PRKG1: variants seen among roughly 807,000 people sequenced by gnomAD.
The protein encoded by PRKG1 is protein kinase cGMP-dependent 1, also known as cGMP-dependent protein kinase 1.
A neutral mutation model predicts 88.1 loss-of-function variants in PRKG1; 35 were observed. The ratio of observed to expected loss-of-function variants is 0.40; its 90% CI spans 0.30 to 0.53. PRKG1 has a LOEUF of 0.53. Ranked by LOEUF, PRKG1 falls within the 20% of genes least tolerant of loss-of-function variation. The pLI, the probability that PRKG1 is intolerant of heterozygous loss-of-function variation, is 0.59. For missense variants in PRKG1, 540 were observed against 839.8 expected, an observed-to-expected ratio of 0.64 and a Z score of 4.41; for synonymous variants, 303 against 292.5, an observed-to-expected ratio of 1.04 and a Z score of -0.37.
chr10:51,765,375 T>C (rs991384913), intron 3 of PRKG1, among the ~76,000 whole-genome samples: 1 of 152,246 alleles, frequency 6.6e-6, no homozygotes, highest in Non-Finnish European at 1.5e-5. Flanking sequence ...CTTTTGTGCA[T>C]CTATTTGTTA....
chr10:52,210,861 T>C (rs1839953185), intron 9 of PRKG1, among the ~76,000 whole-genome samples: 1 of 152,194 alleles, frequency 6.6e-6, no homozygotes, highest in South Asian at 2.1e-4. Flanking sequence ...CATAACATAA[T>C]TGCATAAGCT....
chr10:51,805,771 T>C (rs1839289489), intron 4 of PRKG1, among the ~76,000 whole-genome samples: 1 of 152,128 alleles, frequency 6.6e-6, no homozygotes, highest in Non-Finnish European at 1.5e-5. Context: ...TGCTTCATCT[T>C]TTATACATTT....
intron 7 of PRKG1, among the ~76,000 whole-genome samples, chr10:52,112,052 C>T (rs569580686): frequency 5.2e-4 from 79 of 152,300 alleles, no homozygotes; most frequent in Non-Finnish European, 9.7e-4. Flanking sequence ...CTGAAGCCAA[C>T]CTGCTTCCAG....
chr10:51,519,518 T>G (rs893964256), intron 3 of PRKG1, among the ~76,000 whole-genome samples: 7 of 152,256 alleles, frequency 4.6e-5, no homozygotes, highest in Non-Finnish European at 8.8e-5. Context: ...TGGGCCAGAA[T>G]TTTAGATTTA....
chr10:51,589,722 C>T (rs1427499619), intron 3 of PRKG1, among the ~76,000 whole-genome samples: 1 of 152,156 alleles, frequency 6.6e-6, no homozygotes, highest in African/African-American at 2.4e-5. Context: ...CTTTCATTTT[C>T]CTTTTGGAAA....
intron 3 of PRKG1, among the ~76,000 whole-genome samples, chr10:51,719,528 T>G (rs1841963649): frequency 6.6e-6 from 1 of 152,168 alleles, no homozygotes; most frequent in Admixed American, 6.5e-5. Context: ...AAAGAAAGAT[T>G]GTGTAACTGT....
intron 2 of PRKG1, among the ~76,000 whole-genome samples, chr10:51,212,169 A>G (rs981019715): frequency 3.3e-5 from 5 of 152,104 alleles, no homozygotes; most frequent in African/African-American, 7.2e-5. Context: ...CCGCATATCT[A>G]CAACTATCTG....
intron 3 of PRKG1, among the ~76,000 whole-genome samples, chr10:51,652,887 C>T (rs1840074456): frequency 6.6e-6 from 1 of 152,164 alleles, no homozygotes; most frequent in South Asian, 2.1e-4. Flanking sequence ...TCCTACTACT[C>T]CTCTCCAGCC....
chr10:52,194,684 G>A (rs1330773534), intron 9 of PRKG1, among the ~76,000 whole-genome samples: 1 of 152,052 alleles, frequency 6.6e-6, no homozygotes, highest in Non-Finnish European at 1.5e-5. Flanking sequence ...AAAATAGAAA[G>A]TAAATTTCAA....
At chr10:51,274,632 G>T (rs1840067925) in intron 2 of PRKG1, among the ~76,000 whole-genome samples, 1 of 152,194 alleles carries the variant, frequency 6.6e-6, no homozygotes, top group African/African-American at 2.4e-5. Flanking sequence ...GATCGATCCT[G>T]TTAGAGTGGT....
intron 3 of PRKG1, among the ~76,000 whole-genome samples, chr10:51,739,705 G>A (rs1211077076): frequency 2.0e-5 from 3 of 152,086 alleles, no homozygotes; most frequent in African/African-American, 7.2e-5. Flanking sequence ...AGGCGTGGTG[G>A]CTCATGGCTG....
At chr10:51,950,914 G>T (rs751891604) in intron 5 of PRKG1, among the ~76,000 whole-genome samples, 2 of 152,242 alleles carry the variant, frequency 1.3e-5, no homozygotes, top group Non-Finnish European at 2.9e-5. Context: ...ATAACTTTCT[G>T]CAGAGAGCGG....
chr10:51,279,324 T>G (rs1840224691), intron 2 of PRKG1, among the ~76,000 whole-genome samples: 1 of 152,178 alleles, frequency 6.6e-6, no homozygotes, highest in South Asian at 2.1e-4. Flanking sequence ...GAGAGACAGT[T>G]TGTTATAATT....
chr10:52,012,620 C>A lies in PRKG1; in HGVS notation c.763-41864C>A, dbSNP rs536034636. On this transcript the variant is annotated intron_variant, in intron 5 of 17. Transcript: ENST00000373980. ...CAGGCTGGTCTCAAACTCCTGACCT[C>A]AAGTGATTTACCCACCTCTGCCTCC... 4.6e-5 allele frequency among the ~76,000 whole-genome samples: 7 copies of A among 152,204 alleles called. No homozygotes were observed. In the South Asian group the frequency reaches 1.5e-3, roughly 32 times the overall value.
At chr10:51,208,403 T>A (rs1466135158) in intron 2 of PRKG1, among the ~76,000 whole-genome samples, 2 of 152,200 alleles carry the variant, frequency 1.3e-5, no homozygotes, top group Non-Finnish European at 2.9e-5. Context: ...TCATACTGCA[T>A]AATATTCTAA....
At chr10:51,768,710 A>T (rs1217311836) in intron 3 of PRKG1, among the ~76,000 whole-genome samples, 3 of 152,118 alleles carry the variant, frequency 2.0e-5, no homozygotes, top group African/African-American at 7.2e-5. Flanking sequence ...TGAAAAAGGA[A>T]TGGGGGCTGA....
intron 1 of PRKG1, among the ~76,000 whole-genome samples, chr10:51,104,100 A>C (rs1844756650): frequency 6.6e-6 from 1 of 152,164 alleles, no homozygotes; most frequent in Non-Finnish European, 1.5e-5. Flanking sequence ...GTGTAGTAGG[A>C]GTGGCAGGAA....
chr10:51,673,177 G>A (rs1840626412), intron 3 of PRKG1, among the ~76,000 whole-genome samples: 1 of 152,178 alleles, frequency 6.6e-6, no homozygotes, highest in Non-Finnish European at 1.5e-5. Context: ...ACAGAGCAGA[G>A]TCTCCACTCT....
chr10:52,032,501 A>G (rs1304648026), intron 5 of PRKG1, among the ~76,000 whole-genome samples: 1 of 152,212 alleles, frequency 6.6e-6, no homozygotes, highest in Non-Finnish European at 1.5e-5. Context: ...ATTGTCTAGC[A>G]TGTGATAAAT....
Sources: gnomAD v4.1 joint callset for allele counts (sites outside exome capture counted in the v4.1 genomes callset) on GRCh38, gnomAD v4.1.1 for gene constraint, MANE v1.5 for transcripts, NCBI Gene and HGNC (gene_info 2026-07-23, HGNC 2026-07-21) for gene names.